Variants in POU2F3 observed in about 807,000 individuals in gnomAD.
The protein encoded by POU2F3 is POU domain, class 2, transcription factor 3.
In POU2F3, 23 loss-of-function variants were observed where a neutral mutation model predicts 59.2. That is an observed-to-expected ratio of 0.39 (90% CI 0.28 to 0.55). POU2F3 has a LOEUF of 0.55. Among genes scored for constraint, POU2F3 ranks in the 20% least tolerant of loss-of-function variants. The probability of loss-of-function intolerance (pLI) is 0.66; values close to 1 mark genes in which losing one functional copy is unlikely to be tolerated. For missense variants in POU2F3, 473 were observed against 544.5 expected, an observed-to-expected ratio of 0.87 and a Z score of 1.31; for synonymous variants, 190 against 214.6, an observed-to-expected ratio of 0.89 and a Z score of 1.00.
chr11:120,277,102 C>T (rs1940364460), intron 3 of POU2F3, among the ~76,000 whole-genome samples: 1 of 151,386 alleles, frequency 6.6e-6, no homozygotes, highest in Non-Finnish European at 1.5e-5. Context: ...ATTAAAAATA[C>T]AAAATACAAA....
chr11:120,307,830 C>T (rs1941541230), intron 9 of POU2F3, among the ~76,000 whole-genome samples: 1 of 152,180 alleles, frequency 6.6e-6, no homozygotes, highest in Admixed American at 6.5e-5. Context: ...CTCCACTGAC[C>T]CTTCTTGCCC....
intron 2 of POU2F3, among the ~76,000 whole-genome samples, chr11:120,259,960 C>G (rs1284694169): frequency 6.6e-6 from 1 of 152,230 alleles, no homozygotes; most frequent in Non-Finnish European, 1.5e-5. Context: ...TCCATTTGTT[C>G]TGGTGGCTGG....
At chr11:120,261,559 C>T (rs140937779) in intron 2 of POU2F3, among the ~76,000 whole-genome samples, 3 of 152,334 alleles carry the variant, frequency 2.0e-5, no homozygotes, top group Non-Finnish European at 4.4e-5. Context: ...CTCCCAAGAC[C>T]TCCAGACAGG....
chr11:120,238,626 G>C (rs1938557784), upstream of POU2F3, among the ~76,000 whole-genome samples: 1 of 151,954 alleles, frequency 6.6e-6, no homozygotes, highest in African/African-American at 2.4e-5. Context: ...CACGAGGTCA[G>C]GAGATCGAGA....
At chr11:120,288,128 C>CAAAAAAAAAAAAAAAAAAA in intron 3 of POU2F3, among the ~76,000 whole-genome samples, 31 of 63,330 alleles carry the variant, frequency 4.9e-4, no homozygotes, top group African/African-American at 1.1e-3. Context: ...ACAAAAAAAC[C>CAAAAAAAAAAAAAAAAAAA]AAAAAAAAAA....
chr11:120,293,044 G>C (rs561450159), intron 3 of POU2F3, among the ~76,000 whole-genome samples: 2 of 152,152 alleles, frequency 1.3e-5, no homozygotes, highest in Non-Finnish European at 2.9e-5. Flanking sequence ...TGGCTTTTTG[G>C]AAAGCGTCTT....
At chr11:120,260,036 G>A (rs1939524313) in intron 2 of POU2F3, among the ~76,000 whole-genome samples, 1 of 152,340 alleles carries the variant, frequency 6.6e-6, no homozygotes, top group Non-Finnish European at 1.5e-5. Context: ...TGCCAGCAAG[G>A]TGCTAGTGTC....
chr11:120,246,559 A>G (rs1311016007), intron 2 of POU2F3, 42 bp downstream of exon 2: 2 of 1,599,460 alleles, frequency 1.3e-6, no homozygotes, highest in African/African-American at 2.7e-5. Flanking sequence ...GGTGGGGGGA[A>G]GAGAGTTGTT....
At chr11:120,294,093 G>C (rs986546941) in intron 3 of POU2F3, among the ~76,000 whole-genome samples, 4 of 152,168 alleles carry the variant, frequency 2.6e-5, no homozygotes, top group Non-Finnish European at 5.9e-5. Context: ...CTTGGAAGGG[G>C]CTCTCTCCTT....
At chr11:120,298,864 A>C (rs536088517) in intron 4 of POU2F3, among the ~76,000 whole-genome samples, 1 of 152,332 alleles carries the variant, frequency 6.6e-6, no homozygotes, top group South Asian at 2.1e-4. Context: ...TCTTCTCAGC[A>C]GGGATCACCT....
chr11:120,261,129 G>C (rs1242933052), intron 2 of POU2F3, among the ~76,000 whole-genome samples: 2 of 130,228 alleles, frequency 1.5e-5, no homozygotes, highest in Non-Finnish European at 3.0e-5. Flanking sequence ...AGTGCTTTGG[G>C]GTTGGAGACA....
Position 120,274,846 on chromosome 11 carries a change from T to A in POU2F3, c.132+5602T>A, listed in dbSNP as rs79062602. Among the ~76,000 whole-genome samples the A allele has an allele frequency of 8.7e-3, 1,320 of 151,746 alleles. 20 individuals are homozygous for A. Among genetic ancestry groups the A allele is most frequent in the African/African-American group, 0.029 (1,217 of 41,308 alleles). On this transcript the variant is annotated intron_variant, in intron 3 of 12. Coordinates refer to ENST00000543440, the MANE Select transcript of POU2F3 (RefSeq NM_014352.4). ...AGGCTGAGGAGTGGATGTCTATAGATGAAACTAGGAAGGAAGGTCAAAGGG... is the reference window on the plus strand; with the variant it reads ...AGGCTGAGGAGTGGATGTCTATAGAAGAAACTAGGAAGGAAGGTCAAAGGG...
rs113895541 is a variant in POU2F3, at chr11:120,280,225, C to T, written c.132+10981C>T. On this transcript the variant is annotated intron_variant, in intron 3 of 12. Coordinates refer to ENST00000543440, the MANE Select transcript of POU2F3 (RefSeq NM_014352.4). ...GGGGAAGTTAATACTATTTATTGAACCTTCAGTTTATAACAGGCAGTGGGT... is the reference window on the plus strand; with the variant it reads ...GGGGAAGTTAATACTATTTATTGAATCTTCAGTTTATAACAGGCAGTGGGT... Among the ~76,000 whole-genome samples, 1,093 of 152,264 alleles carry T rather than the reference C, an allele frequency of 7.2e-3. 17 individuals carry two copies. The highest frequency in any genetic ancestry group is 0.025 in the African/African-American group (1,030 of 41,544).
At chr11:120,274,697 A>T (rs539268353) in intron 3 of POU2F3, among the ~76,000 whole-genome samples, 1 of 152,298 alleles carries the variant, frequency 6.6e-6, no homozygotes, top group South Asian at 2.1e-4. Flanking sequence ...CTGAAGATGC[A>T]TATTGGGGAG....
chr11:120,298,486 C>T, intron 4 of POU2F3, 96 bp downstream of exon 4: 1 of 1,520,244 alleles, frequency 6.6e-7, no homozygotes, highest in Admixed American at 2.0e-5. Flanking sequence ...AAAGAACCCC[C>T]TGCAGGCAAT....
In POU2F3 at chr11:120,309,569, G is replaced by A. The variant is rs772231348; in HGVS notation, c.1051G>A (p.Val351Ile). 6.8e-6 allele frequency: 11 copies of A among 1,613,770 alleles called. No homozygotes were observed. The South Asian group carries it at 1.2e-4, about 18-fold the overall frequency. Reference sequence around the variant, plus strand: ...TGTGGCCACACCCATCAAACCACCTGTCTACAACTCCCGGCTGGTGAGTGG... The same window carrying A: ...TGTGGCCACACCCATCAAACCACCTATCTACAACTCCCGGCTGGTGAGTGG... ...CPVATPIKPP[V>I]YNSRLVSPSG... Residue 351 changes from valine to isoleucine, a missense_variant, in exon 10 of 13, where the codon GTC becomes ATC. Val to Ile is a conservative substitution (Grantham distance 29). Coordinates refer to ENST00000543440, the MANE Select transcript of POU2F3 (RefSeq NM_014352.4).
At chr11:120,307,421 A>G in intron 8 of POU2F3, 58 bp from the exon 9 acceptor site, 1 of 1,588,568 alleles carries the variant, frequency 6.3e-7, no homozygotes, top group Non-Finnish European at 8.6e-7. Context: ...AGATCCATGA[A>G]GGCACCGGCC....
In POU2F3 at chr11:120,307,461, T is replaced by G; in HGVS notation, c.770-18T>G. ...ATCCCCTTCTCTGAGCTTCCTCTGG[T>G]CCTTCGTGTCCCTGCAGAGTCCTCT... On this transcript the variant is annotated intron_variant, in intron 8 of 12. Coordinates refer to ENST00000543440, the MANE Select transcript of POU2F3 (RefSeq NM_014352.4). The G allele has an allele frequency of 1.2e-6, 2 of 1,613,338 alleles. No homozygotes were observed.
At chr11:120,242,554 TG>T (rs1049874975) in intron 1 of POU2F3, among the ~76,000 whole-genome samples, 19 of 152,110 alleles carry the variant, frequency 1.2e-4, no homozygotes, top group African/African-American at 4.6e-4. Flanking sequence ...GCTGGGTCCT[TG>T]GGGTCTCCTC....
Sources: allele counts gnomAD v4.1 joint callset (sites outside exome capture counted in the v4.1 genomes callset), GRCh38; gene constraint gnomAD v4.1.1; transcripts MANE v1.5; gene names NCBI Gene and HGNC (gene_info 2026-07-23, HGNC 2026-07-21).